RHBDF2: variants seen among roughly 807,000 people sequenced by gnomAD.
The protein encoded by RHBDF2 is inactive rhomboid protein 2.
A neutral mutation model predicts 95.2 loss-of-function variants in RHBDF2; 38 were observed. The observed-to-expected ratio is 0.40, with a 90% CI of 0.31 to 0.52. The LOEUF is 0.52. Ranked by LOEUF, RHBDF2 falls within the 20% of genes least tolerant of loss-of-function variation. The pLI is 0.56. For synonymous variants in RHBDF2, 442 were observed against 462.0 expected, an observed-to-expected ratio of 0.96 and a Z score of 0.55; for missense variants, 863 against 1,137.7, an observed-to-expected ratio of 0.76 and a Z score of 3.47.
At chr17:76,473,437 G>T in intron 15 of RHBDF2, 110 bp from the exon 16 acceptor site, 1 of 1,094,916 alleles carries the variant, frequency 9.1e-7, no homozygotes. Context: ...CAGGAAGGGG[G>T]ATGCCGCATC....
In RHBDF2 at chr17:76,473,911, A is replaced by G. The variant is rs1274489760; in HGVS notation, c.1575-9T>C. ...CTGGCTCCTCGCAGGTCCTGGAGACAGGGTTCAGATTGGGCTGTGGCACAC... is the reference window on the plus strand; with the variant it reads ...CTGGCTCCTCGCAGGTCCTGGAGACGGGGTTCAGATTGGGCTGTGGCACAC... On this transcript the variant is annotated splice_polypyrimidine_tract_variant and intron_variant, in intron 13 of 18. Transcript: ENST00000675367. 1.2e-6 allele frequency: 2 copies of G among 1,613,858 alleles called. No individual in the cohort carries two copies. The highest frequency in any genetic ancestry group is 3.3e-5 in the Admixed American group (2 of 60,030).
intron 1 of RHBDF2, among the ~76,000 whole-genome samples, chr17:76,496,918 C>A (rs574047130): frequency 6.6e-6 from 1 of 152,292 alleles, no homozygotes; most frequent in African/African-American, 2.4e-5. Context: ...CATGCCACCA[C>A]ACCTGGCTAA....
In RHBDF2 at chr17:76,479,271, T is replaced by A; in HGVS notation, c.279A>T (p.Ala93=). The change falls in exon 5 of 19, where the codon GCA becomes GCT. Residue 93 remains alanine, a synonymous_variant. Transcript: ENST00000675367. ...ASLSQSIRKG[A]AQWFGVSGDW... is the part of the protein sequence containing the mutation. ...CGCCGCTGACTCCAAACCACTGGGC[T>A]GCGCCCCTGCGGAAGCAGACAAGGG... The A allele has an allele frequency of 6.3e-7, 1 of 1,597,636 alleles. No individual in the cohort carries two copies. Among genetic ancestry groups the A allele is most frequent in the South Asian group, 1.1e-5 (1 of 90,370 alleles).
chr17:76,477,504 G>A, intron 7 of RHBDF2, 153 bp downstream of exon 7: 3 of 1,089,712 alleles, frequency 2.8e-6, no homozygotes, highest in Middle Eastern at 4.2e-4. Context: ...CAGAAAGATG[G>A]GGGCCCAGCA....
chr17:76,471,539 G>T lies in RHBDF2; in HGVS notation c.*94C>A. 1 of 1,363,124 alleles carries T rather than the reference G, an allele frequency of 7.3e-7. No individual in the cohort carries two copies. Among genetic ancestry groups the T allele is most frequent in the Non-Finnish European group, 9.8e-7 (1 of 1,020,408 alleles). The allele number at this position is 1,363,124 out of a possible 1,614,324, so 84.4% of individuals were successfully genotyped here. On this transcript the variant is annotated 3_prime_UTR_variant, in exon 19 of 19. Coordinates refer to ENST00000675367, the MANE Select transcript of RHBDF2 (RefSeq NM_001005498.4). ...GCCCGGGCCCTGTCTTGGGTCTCTG[G>T]CTCTCTGGCACACAGAGAGCGCTCT...
At chr17:76,493,511 C>T (rs1160373849) in intron 1 of RHBDF2, among the ~76,000 whole-genome samples, 1 of 147,382 alleles carries the variant, frequency 6.8e-6, no homozygotes, top group African/African-American at 2.6e-5. Flanking sequence ...GGCCTGGGGG[C>T]AGAATTTGGG....
chr17:76,495,656 C>A (rs562175578), intron 1 of RHBDF2, among the ~76,000 whole-genome samples: 2 of 152,270 alleles, frequency 1.3e-5, no homozygotes, highest in African/African-American at 4.8e-5. Flanking sequence ...CCTGGACTGG[C>A]TGGGTGTGAG....
At chr17:76,484,756 C>A (rs1175774541) in intron 2 of RHBDF2, among the ~76,000 whole-genome samples, 1 of 152,202 alleles carries the variant, frequency 6.6e-6, no homozygotes, top group Admixed American at 6.5e-5. Flanking sequence ...CCTTGCTTAC[C>A]CCTGACCCAG....
intron 1 of RHBDF2, among the ~76,000 whole-genome samples, chr17:76,500,189 G>A (rs1053097619): frequency 2.0e-5 from 3 of 152,090 alleles, no homozygotes; most frequent in Non-Finnish European, 4.4e-5. Context: ...CCAACACCTT[G>A]GGCTGGATAA....
intron 1 of RHBDF2, among the ~76,000 whole-genome samples, chr17:76,490,656 T>C (rs1014175045): frequency 6.6e-6 from 1 of 151,978 alleles, no homozygotes; most frequent in Non-Finnish European, 1.5e-5. Flanking sequence ...AGGATCTTTC[T>C]GGAACCCAGA....
intron 3 of RHBDF2, among the ~76,000 whole-genome samples, chr17:76,480,386 C>CTA (rs1325037736): frequency 6.6e-6 from 1 of 151,456 alleles, no homozygotes; most frequent in African/African-American, 2.4e-5. Flanking sequence ...CATGCCCGGC[C>CTA]TATATATATA....
At chr17:76,479,053 C>G (rs1254095927) in intron 5 of RHBDF2, 29 bp downstream of exon 5, 1 of 1,612,738 alleles carries the variant, frequency 6.2e-7, no homozygotes, top group African/African-American at 1.3e-5. Flanking sequence ...AGGGTCCCCA[C>G]CCCTGCCTCC....
intron 1 of RHBDF2, among the ~76,000 whole-genome samples, chr17:76,496,183 TG>T (rs1248280272): frequency 6.6e-6 from 1 of 152,192 alleles, no homozygotes; most frequent in African/African-American, 2.4e-5. Context: ...ACAGCAGATA[TG>T]AATGTACAGT....
At chr17:76,477,415 G>T in intron 7 of RHBDF2, 117 bp from the exon 8 acceptor site, 1 of 1,314,116 alleles carries the variant, frequency 7.6e-7, no homozygotes, top group African/African-American at 1.5e-5. Flanking sequence ...AATGAATTGG[G>T]AAGCCACATG....
chr17:76,480,398 T>A (rs1042740644), intron 3 of RHBDF2, among the ~76,000 whole-genome samples: 6 of 151,224 alleles, frequency 4.0e-5, no homozygotes, highest in Non-Finnish European at 2.9e-5. Context: ...ATATATATAT[T>A]TTTTGGGACA....
chr17:76,498,784 AAG>A (rs1320014843), intron 1 of RHBDF2, among the ~76,000 whole-genome samples: 5 of 77,036 alleles, frequency 6.5e-5, no homozygotes, highest in East Asian at 4.7e-4. Flanking sequence ...GCTGGAGAGA[AAG>A]AGAGTGTGTG....
At chr17:76,492,865 G>A (rs901420836) in intron 1 of RHBDF2, among the ~76,000 whole-genome samples, 8 of 152,162 alleles carry the variant, frequency 5.3e-5, no homozygotes, top group East Asian at 1.9e-4. Context: ...GGGGTGGGAC[G>A]GGACAGGCCC....
intron 1 of RHBDF2, among the ~76,000 whole-genome samples, chr17:76,500,183 C>T (rs1189535298): frequency 6.6e-6 from 1 of 152,164 alleles, no homozygotes; most frequent in African/African-American, 2.4e-5. Context: ...CACAGCCCAA[C>T]ACCTTGGGCT....
At position 76,471,832 on chromosome 17, in the gene RHBDF2, A is replaced by G. The variant is rs748105566; in HGVS notation, c.2285T>C (p.Ile762Thr). 8.8e-6 allele frequency: 14 copies of G among 1,598,042 alleles called. No individual in the cohort carries two copies. The highest frequency in any genetic ancestry group is 1.1e-5 in the Non-Finnish European group (13 of 1,172,280). ...GTACTTGTCGCTGGTGCCGAAGGTG[A>G]TGTAGGGCAGGAAGGCGAAGGCCAG... The part of the protein sequence containing the change: ...LLLAFAFLPY[I>T]TFGTSDKYRK... Residue 762 changes from isoleucine (I) to threonine (T), a missense_variant, in exon 19 of 19, where the codon ATC becomes ACC. Around this residue, in one of 2 missense-constraint regions of RHBDF2, gnomAD observed 252 missense variants for 412.2 expected, o/e 0.61. Transcript: ENST00000675367.
Sources: allele counts gnomAD v4.1 joint callset (sites outside exome capture counted in the v4.1 genomes callset), GRCh38; gene constraint gnomAD v4.1.1; regional missense constraint gnomAD v4.1.1; transcripts MANE v1.5; gene names NCBI Gene and HGNC (gene_info 2026-07-23, HGNC 2026-07-21).